Variants in MBOAT2 observed in about 807,000 individuals in gnomAD.
The protein encoded by MBOAT2 is membrane-bound glycerophospholipid O-acyltransferase 2.
MBOAT2 carries 28 observed loss-of-function variants against 63.4 expected under a neutral mutation model. The ratio of observed to expected loss-of-function variants is 0.44; its 90% CI spans 0.33 to 0.61. The LOEUF is 0.61. Ranked by LOEUF, MBOAT2 falls within the 20% of genes least tolerant of loss-of-function variation. The pLI is 0.03. For missense variants in MBOAT2, 470 were observed against 605.8 expected (o/e 0.78, Z 2.35); for synonymous variants, 211 against 215.6 (o/e 0.98, Z 0.19).
chr2:8,900,728 C>T (rs780205859), intron 4 of MBOAT2, among the ~76,000 whole-genome samples: 1 of 152,150 alleles, frequency 6.6e-6, no homozygotes, highest in Admixed American at 6.5e-5. Flanking sequence ...TCAAGCTTTG[C>T]ATACTTGTGT....
intron 4 of MBOAT2, among the ~76,000 whole-genome samples, chr2:8,904,783 CATA>C (rs2148582241): frequency 6.6e-6 from 1 of 152,090 alleles, no homozygotes; most frequent in African/African-American, 2.4e-5. Context: ...CTTTTTCTAT[CATA>C]TTTTCTAACT....
chr2:8,902,941 A>G (rs751482884), intron 4 of MBOAT2, among the ~76,000 whole-genome samples: 35 of 152,228 alleles, frequency 2.3e-4, no homozygotes, highest in Admixed American at 9.2e-4. Flanking sequence ...TGATTGGTCA[A>G]TTTTACAGAG....
At chr2:8,970,509 A>G (rs531461973) in intron 1 of MBOAT2, among the ~76,000 whole-genome samples, 1 of 152,344 alleles carries the variant, frequency 6.6e-6, no homozygotes, top group Non-Finnish European at 1.5e-5. Context: ...AAGGCAACAA[A>G]TAACTAAGAT....
At chr2:8,932,025 T>C (rs1048010596) in intron 3 of MBOAT2, among the ~76,000 whole-genome samples, 7 of 152,202 alleles carry the variant, frequency 4.6e-5, no homozygotes, top group African/African-American at 1.7e-4. Flanking sequence ...TCTAATATCC[T>C]TTCACTAAAA....
intron 5 of MBOAT2, among the ~76,000 whole-genome samples, chr2:8,885,260 T>G (rs1663465983): frequency 6.6e-6 from 1 of 152,226 alleles, no homozygotes; most frequent in South Asian, 2.1e-4. Context: ...GTGGCTGCGA[T>G]AGTGGCACCT....
chr2:8,930,559 T>C (rs1227767178), intron 3 of MBOAT2, among the ~76,000 whole-genome samples: 1 of 152,144 alleles, frequency 6.6e-6, no homozygotes, highest in Non-Finnish European at 1.5e-5. Context: ...TGTGTCTTTA[T>C]AGCAGCATGA....
At chr2:8,983,838 T>C (rs953139537) in intron 1 of MBOAT2, among the ~76,000 whole-genome samples, 3 of 152,180 alleles carry the variant, frequency 2.0e-5, no homozygotes, top group African/African-American at 7.2e-5. Flanking sequence ...CTCTAAATTG[T>C]ACTTGGAACT....
At chr2:8,967,423 C>A (rs796372284) in intron 1 of MBOAT2, among the ~76,000 whole-genome samples, 2 of 152,194 alleles carry the variant, frequency 1.3e-5, no homozygotes, top group Non-Finnish European at 2.9e-5. Context: ...AAAGCAGATA[C>A]CCTGCTCAAA....
chr2:8,938,585 G>GCCGTGTTTCATGCCA (rs879873334), intron 3 of MBOAT2, among the ~76,000 whole-genome samples: 6 of 151,074 alleles, frequency 4.0e-5, no homozygotes, highest in Non-Finnish European at 8.8e-5. Flanking sequence ...CACATTTCAT[G>GCCGTGTTTCATGCCA]CCGTGTTTCA....
At chr2:8,866,852 T>A (rs748453029) in intron 9 of MBOAT2, among the ~76,000 whole-genome samples, 3 of 152,192 alleles carry the variant, frequency 2.0e-5, no homozygotes, top group Admixed American at 6.5e-5. Context: ...GAAATCCGAT[T>A]CAGATTTGGT....
In MBOAT2 at chr2:8,862,237, CA is replaced by C. The variant is rs1661545439; in HGVS notation, c.1185+352del. The C allele has an allele frequency of 7.4e-6, 9 of 1,224,180 alleles. No individual in the cohort carries two copies. In the South Asian group the frequency reaches 1.2e-4, roughly 17 times the overall value. The allele number at this position is 1,224,180 out of a possible 1,614,324, so 75.8% of individuals were successfully genotyped here. On this transcript the variant is annotated intron_variant, in intron 11 of 12. Coordinates refer to ENST00000305997, the MANE Select transcript of MBOAT2 (RefSeq NM_138799.4). The surrounding 1 kb of genome is among the most constrained non-coding windows in gnomAD (Gnocchi z 4.3). ...CATCTGAGAGAGGACTCAAAGGTTA[CA>C]GCTTTCAGGAAACATTTCTAAAATA...
At chr2:8,981,757 G>A (rs1671208825) in intron 1 of MBOAT2, among the ~76,000 whole-genome samples, 1 of 152,186 alleles carries the variant, frequency 6.6e-6, no homozygotes, top group Non-Finnish European at 1.5e-5. Context: ...TGTGTATCCA[G>A]CCATGTTGGC....
intron 1 of MBOAT2, among the ~76,000 whole-genome samples, chr2:8,981,552 C>T (rs1291909837): frequency 1.3e-5 from 2 of 152,122 alleles, no homozygotes; most frequent in East Asian, 1.9e-4. Context: ...GAAGACGATG[C>T]TCTCCCTTCC....
chr2:8,938,588 G>A (rs907278460), intron 3 of MBOAT2, among the ~76,000 whole-genome samples: 2 of 151,130 alleles, frequency 1.3e-5, no homozygotes, highest in South Asian at 2.1e-4. Context: ...ATTTCATGCC[G>A]TGTTTCATGC....
intron 4 of MBOAT2, among the ~76,000 whole-genome samples, chr2:8,891,687 G>A (rs919366616): frequency 6.6e-6 from 1 of 152,184 alleles, no homozygotes; most frequent in Non-Finnish European, 1.5e-5. Flanking sequence ...GAAAGTCTGG[G>A]ATACCTTGAC....
At chr2:8,898,266 T>C (rs1268509542) in intron 4 of MBOAT2, among the ~76,000 whole-genome samples, 2 of 152,170 alleles carry the variant, frequency 1.3e-5, no homozygotes, top group Non-Finnish European at 2.9e-5. Flanking sequence ...TTCTACTAGA[T>C]GAGTATTTGC....
intron 3 of MBOAT2, among the ~76,000 whole-genome samples, chr2:8,929,366 ATTT>A (rs1001581281): frequency 2.0e-5 from 3 of 150,306 alleles, no homozygotes; most frequent in Non-Finnish European, 4.4e-5. Context: ...TCATTCATTC[ATTT>A]GAGAAAGGGT....
chr2:8,966,204 T>C (rs970667069), intron 1 of MBOAT2, among the ~76,000 whole-genome samples: 3 of 152,216 alleles, frequency 2.0e-5, no homozygotes, highest in African/African-American at 4.8e-5. Flanking sequence ...TATACACTTA[T>C]TGCTGAGCAA....
intron 3 of MBOAT2, among the ~76,000 whole-genome samples, chr2:8,924,215 T>C (rs1666780035): frequency 6.6e-6 from 1 of 152,184 alleles, no homozygotes; most frequent in Non-Finnish European, 1.5e-5. Context: ...CCCACTCACT[T>C]TAGAACACTT....
Sources: allele counts gnomAD v4.1 joint callset (sites outside exome capture counted in the v4.1 genomes callset), GRCh38; gene constraint gnomAD v4.1.1; non-coding constraint Gnocchi (gnomAD v3.1); transcripts MANE v1.5; gene names NCBI Gene and HGNC (gene_info 2026-07-23, HGNC 2026-07-21).